The following USP24 variants were observed in gnomAD, a reference collection of about 807,000 sequenced individuals.
USP24 encodes the protein ubiquitin specific peptidase 24, also known as ubiquitin carboxyl-terminal hydrolase 24.
A neutral mutation model predicts 361.6 loss-of-function variants in USP24; 97 were observed. That is an observed-to-expected ratio of 0.27 (90% CI 0.23 to 0.32). USP24 has a LOEUF of 0.32. Ranked by LOEUF, USP24 falls within the 10% of genes least tolerant of loss-of-function variation. USP24 has a pLI of 1.00. For missense variants in USP24, 2,353 were observed against 3,165.6 expected (o/e 0.74, Z 6.16); for synonymous variants, 1,098 against 1,124.6 (o/e 0.98, Z 0.47).
At position 55,176,361 on chromosome 1, in the gene USP24, G is replaced by C; in HGVS notation, c.558+15C>G. ...CCGACACACACAAAATATCACAGCA[G>C]CACATTTTTCTTACCTTTTTAAATG... On this transcript the variant is annotated intron_variant, in intron 3 of 67. Transcript: ENST00000294383. 1 of 1,556,476 alleles carries C rather than the reference G, an allele frequency of 6.4e-7. No individual in the cohort carries two copies. Among genetic ancestry groups the C allele is most frequent in the Non-Finnish European group, 8.7e-7 (1 of 1,148,282 alleles).
chr1:55,120,828 C>T, intron 37 of USP24, 72 bp from the exon 38 acceptor site: 5 of 1,424,236 alleles, frequency 3.5e-6, no homozygotes, highest in Non-Finnish European at 4.6e-6. Flanking sequence ...AAGTGATTTT[C>T]TTCCAAAGTC....
At chr1:55,098,406 T>G in intron 46 of USP24, 70 bp downstream of exon 46, 1 of 1,397,198 alleles carries the variant, frequency 7.2e-7, no homozygotes, top group Admixed American at 2.1e-5. Context: ...AATGCAAAAT[T>G]TACAACATAC....
intron 66 of USP24, 56 bp downstream of exon 66, chr1:55,072,261 A>T: frequency 6.7e-7 from 1 of 1,481,534 alleles, no homozygotes; most frequent in Non-Finnish European, 9.3e-7. Context: ...TGAGAAACAC[A>T]CTGAAAATCC....
intron 7 of USP24, among the ~76,000 whole-genome samples, chr1:55,162,894 AGTAAT>A (rs1648440216): frequency 1.3e-5 from 2 of 152,170 alleles, no homozygotes; most frequent in Non-Finnish European, 2.9e-5. Context: ...TGACACTACC[AGTAAT>A]GAACACAATG....
intron 3 of USP24, among the ~76,000 whole-genome samples, chr1:55,174,380 G>C (rs1368976299): frequency 6.6e-6 from 1 of 152,138 alleles, no homozygotes; most frequent in Non-Finnish European, 1.5e-5. Flanking sequence ...TTTAATAAAA[G>C]AAAGTATGCC....
chr1:55,097,252 G>A, intron 48 of USP24, 80 bp from the exon 49 acceptor site: 2 of 1,460,340 alleles, frequency 1.4e-6, no homozygotes, highest in Middle Eastern at 1.8e-4. Flanking sequence ...ATCCAAATAA[G>A]AGGAAGTGTT....
At chr1:55,175,982 C>T (rs1416353463) in intron 3 of USP24, among the ~76,000 whole-genome samples, 1 of 152,112 alleles carries the variant, frequency 6.6e-6, no homozygotes, top group Non-Finnish European at 1.5e-5. Context: ...CTTAAAATGG[C>T]TCATATTTTG....
intron 51 of USP24, 48 bp downstream of exon 51, chr1:55,095,207 T>A: frequency 1.3e-6 from 2 of 1,597,362 alleles, no homozygotes; most frequent in South Asian, 1.1e-5. Flanking sequence ...ACAGACCACA[T>A]CATCACCATA....
rs1645047279 is a variant in USP24, at chr1:55,077,218, G to C, written c.7380+17C>G. On this transcript the variant is annotated intron_variant, in intron 62 of 67. Coordinates refer to ENST00000294383, the MANE Select transcript of USP24 (RefSeq NM_015306.3). Reference sequence around the variant, plus strand: ...TACATTCCTAAATAAAAGTGAGTCAGAACAGTTATGACTTACCAATATTTC... The same window carrying C: ...TACATTCCTAAATAAAAGTGAGTCACAACAGTTATGACTTACCAATATTTC... 4 of 1,502,700 alleles carry C rather than the reference G, an allele frequency of 2.7e-6. No individual in the cohort carries two copies. The highest frequency in any genetic ancestry group is 3.6e-6 in the Non-Finnish European group (4 of 1,112,504). 93.1% of individuals were successfully genotyped at this position (1,502,700 alleles called of 1,614,324 possible).
intron 34 of USP24, among the ~76,000 whole-genome samples, chr1:55,124,843 T>C (rs1381566568): frequency 6.6e-6 from 1 of 152,154 alleles, no homozygotes; most frequent in Non-Finnish European, 1.5e-5. Flanking sequence ...GGCTTCAAAA[T>C]ACGCTTTACC....
chr1:55,121,598 A>AAT, intron 36 of USP24, 92 bp from the exon 37 acceptor site: 1 of 1,028,014 alleles, frequency 9.7e-7, no homozygotes, highest in Non-Finnish European at 1.5e-6. Context: ...CAACTTAAGC[A>AAT]TAAGCTCTTC....
chr1:55,141,753 TTC>T, intron 23 of USP24, 22 bp from the exon 24 acceptor site: 1 of 1,574,742 alleles, frequency 6.4e-7, no homozygotes, highest in Non-Finnish European at 8.6e-7. Context: ...CAAACAGTCA[TTC>T]TCTATCAGGG....
chr1:55,152,384 C>A (rs1237820426), intron 16 of USP24, among the ~76,000 whole-genome samples: 2 of 152,134 alleles, frequency 1.3e-5, no homozygotes, highest in Non-Finnish European at 2.9e-5. Flanking sequence ...TAATGTTTAG[C>A]TGTAACAAGG....
chr1:55,186,691 T>TTA (rs1644141581), intron 1 of USP24, among the ~76,000 whole-genome samples: 1 of 152,198 alleles, frequency 6.6e-6, no homozygotes, highest in South Asian at 2.1e-4. Context: ...ATGATTCCAC[T>TTA]TATATGAAAG....
chr1:55,118,733 T>C (rs960432013), intron 38 of USP24, among the ~76,000 whole-genome samples: 2 of 152,144 alleles, frequency 1.3e-5, no homozygotes, highest in African/African-American at 4.8e-5. Flanking sequence ...AATTTAAAAA[T>C]GAGCAAAGGT....
At chr1:55,136,679 A>G (rs1646744522) in intron 28 of USP24, among the ~76,000 whole-genome samples, 1 of 152,142 alleles carries the variant, frequency 6.6e-6, no homozygotes, top group Non-Finnish European at 1.5e-5. Context: ...TGAAAGAAGG[A>G]ACCCAAAGAT....
chr1:55,199,120 C>T (rs898535548), intron 1 of USP24, among the ~76,000 whole-genome samples: 5 of 151,918 alleles, frequency 3.3e-5, no homozygotes, highest in African/African-American at 1.2e-4. Flanking sequence ...AAAATCCTGT[C>T]TCTATTAAAA....
intron 16 of USP24, 100 bp downstream of exon 16, chr1:55,153,770 A>ACAG: frequency 8.1e-7 from 1 of 1,237,426 alleles, no homozygotes; most frequent in South Asian, 1.4e-5. Flanking sequence ...ACATTAAGAA[A>ACAG]CACTAAAACA....
rs771050494 is a variant in USP24 at position 55,215,090 on chromosome 1, G to T, written c.24C>A (p.His8Gln). MESEEEQ[H>Q]MTTLLCMGFS... ...AGCCCATGCACAGCAGCGTGGTCAT[G>T]TGCTGCTCCTCCTCCGATTCCATGG... Residue 8 changes from histidine (H) to glutamine (Q), a missense_variant, in exon 1 of 68, where the codon CAC becomes CAA. By Grantham distance (24) the His-to-Gln change is conservative. Transcript: ENST00000294383. 18 of 1,333,724 alleles carry T rather than the reference G, an allele frequency of 1.3e-5. No individual in the cohort carries two copies. In the African/African-American group the frequency reaches 2.4e-4, roughly 18 times the overall value. The allele number at this position is 1,333,724 out of a possible 1,614,324, so 82.6% of individuals were successfully genotyped here. A position where few individuals can be genotyped will look rare whatever the true frequency, so the allele number is the denominator to read the frequency against.
Sources: allele counts gnomAD v4.1 joint callset (sites outside exome capture counted in the v4.1 genomes callset), GRCh38; gene constraint gnomAD v4.1.1; transcripts MANE v1.5; gene names NCBI Gene and HGNC (gene_info 2026-07-23, HGNC 2026-07-21).